Variants in FLNB observed in about 807,000 individuals in gnomAD.
FLNB encodes filamin B, also known as filamin-B.
A neutral mutation model predicts 250.6 loss-of-function variants in FLNB; 111 were observed. The ratio of observed to expected loss-of-function variants is 0.44; its 90% CI spans 0.38 to 0.52. The LOEUF is 0.52. FLNB is among the 20% of genes least tolerant of loss of function. The pLI is 0.00. For synonymous variants in FLNB, 1,302 were observed against 1,372.1 expected, an observed-to-expected ratio of 0.95 and a Z score of 1.13; for missense variants, 2,869 against 3,447.8, an observed-to-expected ratio of 0.83 and a Z score of 4.20.
intron 1 of FLNB, among the ~76,000 whole-genome samples, chr3:58,033,454 G>A (rs1576611710): frequency 1.3e-5 from 2 of 151,400 alleles, no homozygotes; most frequent in East Asian, 3.9e-4. Flanking sequence ...GCAGTGGTGC[G>A]ACCTCGGCTC....
At chr3:58,098,974 A>C (rs1255787456) in intron 8 of FLNB, 66 bp downstream of exon 8, 1 of 1,430,434 alleles carries the variant, frequency 7.0e-7, no homozygotes, top group Non-Finnish European at 9.9e-7. Flanking sequence ...CTGGGCAGGG[A>C]GGCCAGGAAA....
At chr3:58,031,543 CT>C (rs764190111) in intron 1 of FLNB, among the ~76,000 whole-genome samples, 69 of 77,148 alleles carry the variant, frequency 8.9e-4, no homozygotes, top group South Asian at 4.2e-3. Context: ...CGTGCCCTGC[CT>C]TTTTTTTTTT....
chr3:58,126,842 G>A (rs1349029862), intron 24 of FLNB, 80 bp downstream of exon 24: 10 of 1,292,160 alleles, frequency 7.7e-6, no homozygotes, highest in Non-Finnish European at 9.9e-6. Context: ...ATCTCTCTGA[G>A]TGGGGAAAAC....
Position 58,088,900 on chromosome 3 carries a change from T to C in FLNB, c.788-5936T>C, listed in dbSNP as rs570289661. Among the ~76,000 whole-genome samples the C allele has an allele frequency of 1.6e-4, 25 of 152,184 alleles. No individual in the cohort carries two copies. The South Asian group carries it at 4.8e-3, about 29-fold the overall frequency. On this transcript the variant is annotated intron_variant, in intron 4 of 45. Coordinates refer to ENST00000295956, the MANE Select transcript of FLNB (RefSeq NM_001457.4). ...CACTCCTACTTCCTCCAGCCAGAAC[T>C]CCCACCTTCACGCACCAGTAATGAG...
At chr3:58,044,363 A>G (rs1361517859) in intron 1 of FLNB, among the ~76,000 whole-genome samples, 5 of 152,124 alleles carry the variant, frequency 3.3e-5, no homozygotes, top group Non-Finnish European at 5.9e-5. Context: ...TTGAGAGGCC[A>G]AGGTGGGAGG....
chr3:58,072,421 T>C (rs1379324864), intron 1 of FLNB, among the ~76,000 whole-genome samples: 1 of 152,328 alleles, frequency 6.6e-6, no homozygotes, highest in Non-Finnish European at 1.5e-5. Flanking sequence ...TTTCCTCCTC[T>C]TAAGGTTCTG....
intron 1 of FLNB, among the ~76,000 whole-genome samples, chr3:58,040,651 T>A (rs1223700020): frequency 3.3e-5 from 5 of 152,142 alleles, no homozygotes. Flanking sequence ...CATCCTGCCA[T>A]GCCTGGCTAA....
intron 28 of FLNB, among the ~76,000 whole-genome samples, chr3:58,137,372 C>T (rs2097317991): frequency 6.6e-6 from 1 of 152,234 alleles, no homozygotes; most frequent in Non-Finnish European, 1.5e-5. Flanking sequence ...GGCATGTTAA[C>T]GTTGGATGGG....
At chr3:58,104,646 C>CT (rs544027880) in intron 10 of FLNB, among the ~76,000 whole-genome samples, 16 of 149,206 alleles carry the variant, frequency 1.1e-4, no homozygotes, top group African/African-American at 1.7e-4. Flanking sequence ...ACCTACCACG[C>CT]TTTTTTTTTT....
At chr3:58,126,107 C>T (rs4681797) in intron 23 of FLNB, among the ~76,000 whole-genome samples, 66,918 of 152,058 alleles carry the variant, frequency 0.44, 18,806 homozygotes, top group East Asian at 0.97. Context: ...CTGGGTGTGG[C>T]GGCTCACACC....
At chr3:58,132,570 C>T (rs1168915377) in intron 25 of FLNB, 2 of 586,506 alleles carry the variant, frequency 3.4e-6, no homozygotes, top group Admixed American at 2.7e-5. Flanking sequence ...CTAGGGCAGA[C>T]TGAGTGTATT....
At chr3:58,078,461 C>A in intron 2 of FLNB, 1 of 1,535,774 alleles carries the variant, frequency 6.5e-7, no homozygotes, top group South Asian at 1.2e-5. Flanking sequence ...ACCACTTCTT[C>A]AAGGAATGGA....
At chr3:58,153,976 C>T (rs763654920) in intron 39 of FLNB, among the ~76,000 whole-genome samples, 9 of 152,142 alleles carry the variant, frequency 5.9e-5, no homozygotes, top group Admixed American at 5.2e-4. Flanking sequence ...TAGAAAGCTA[C>T]AAAACTGACT....
At chr3:58,020,250 C>T (rs2097111843) in intron 1 of FLNB, among the ~76,000 whole-genome samples, 1 of 152,210 alleles carries the variant, frequency 6.6e-6, no homozygotes, top group Non-Finnish European at 1.5e-5. Context: ...GTTGTGTTTG[C>T]TGGTGAGCCC....
chr3:58,170,503 C>G, intron 45 of FLNB, 72 bp from the exon 46 acceptor site: 5 of 1,469,180 alleles, frequency 3.4e-6, no homozygotes, highest in South Asian at 1.2e-5. Context: ...TTACCTTTGG[C>G]TCTCATATTT....
chr3:58,073,900 A>G (rs2097198174), intron 1 of FLNB, among the ~76,000 whole-genome samples: 1 of 152,218 alleles, frequency 6.6e-6, no homozygotes, highest in Non-Finnish European at 1.5e-5. Context: ...TATCTCTGCC[A>G]TGAGGCCTTC....
chr3:58,063,959 CA>C (rs1289618806), intron 1 of FLNB, among the ~76,000 whole-genome samples: 1 of 151,884 alleles, frequency 6.6e-6, no homozygotes, highest in African/African-American at 2.4e-5. Context: ...GACAAAAAGC[CA>C]AAAGGTTTTT....
Position 58,112,243 on chromosome 3 carries a change from C to T in FLNB, c.2670C>T (p.Gly890=), listed in dbSNP as rs139844865. 4.4e-5 allele frequency: 71 copies of T among 1,613,916 alleles called. No individual in the cohort carries two copies. The highest frequency in any genetic ancestry group is 5.3e-5 in the Non-Finnish European group (63 of 1,179,930). ...LNVQFNSPLP[G]DAVKDLDIID... ...TGCAGTTCAACAGCCCTCTTCCTGG[C>T]GATGCAGTGAAGGATTTGGATATCA... Residue 890 remains glycine, a synonymous_variant, in exon 18 of 46, where the codon GGC becomes GGT. Coordinates refer to ENST00000295956, the MANE Select transcript of FLNB (RefSeq NM_001457.4).
At chr3:58,110,202 G>A in intron 16 of FLNB, 32 bp downstream of exon 16, 1 of 1,611,594 alleles carries the variant, frequency 6.2e-7, no homozygotes, top group Non-Finnish European at 8.5e-7. Context: ...GAGATGGGTG[G>A]AGTAGGCCTG....
Sources: allele counts gnomAD v4.1 joint callset (sites outside exome capture counted in the v4.1 genomes callset), GRCh38; gene constraint gnomAD v4.1.1; transcripts MANE v1.5; gene names NCBI Gene and HGNC (gene_info 2026-07-23, HGNC 2026-07-21).